The following WASF1 variants were observed in gnomAD, a reference collection of about 807,000 sequenced individuals.
WASF1 encodes actin-binding protein WASF1.
WASF1 carries 7 observed loss-of-function variants against 50.5 expected under a neutral mutation model. The ratio of observed to expected loss-of-function variants is 0.14; its 90% CI spans 0.08 to 0.26. The LOEUF (loss-of-function observed/expected upper bound fraction) is 0.26. Among genes scored for constraint, WASF1 ranks in the 10% least tolerant of loss-of-function variants. The pLI is 1.00. For missense variants in WASF1, 470 were observed against 694.7 expected, an observed-to-expected ratio of 0.68 and a Z score of 3.64; for synonymous variants, 205 against 244.0, an observed-to-expected ratio of 0.84 and a Z score of 1.49.
At chr6:110,105,660 C>CT in intron 7 of WASF1, 81 bp from the exon 8 acceptor site, 1 of 1,293,224 alleles carries the variant, frequency 7.7e-7, no homozygotes, top group Non-Finnish European at 1.1e-6. Context: ...AAATTAAACT[C>CT]TAACATCAAC....
rs992246689 is a variant in WASF1, at chr6:110,108,397, C to T, written c.422+131G>A. On this transcript the variant is annotated intron_variant, in intron 6 of 10. Coordinates refer to ENST00000392589, the MANE Select transcript of WASF1 (RefSeq NM_003931.3). ...CCAATGAATAAAAGCAAAGGTTTTC[C>T]AAAGGTGGTGGACAGAGAGGGCTCT... 6 of 854,630 alleles carry T rather than the reference C, an allele frequency of 7.0e-6. No individual in the cohort carries two copies. The African/African-American group carries it at 8.5e-5, about 12-fold the overall frequency. The allele number at this position is 854,630 out of a possible 1,614,324, so 52.9% of individuals were successfully genotyped here. A position where few individuals can be genotyped will look rare whatever the true frequency, so the allele number is the denominator to read the frequency against.
At chr6:110,158,315 T>A (rs529622924) in intron 3 of WASF1, among the ~76,000 whole-genome samples, 1 of 94,842 alleles carries the variant, frequency 1.1e-5, no homozygotes, top group Non-Finnish European at 2.0e-5. Flanking sequence ...ATGTATCCAT[T>A]TCTTCTAGAT....
intron 2 of WASF1, among the ~76,000 whole-genome samples, chr6:110,167,914 A>T (rs2114615570): frequency 6.6e-6 from 1 of 152,130 alleles, no homozygotes; most frequent in South Asian, 2.1e-4. Context: ...TATTCTAGTC[A>T]CTGATTACAT....
chr6:110,122,711 T>C (rs568857440), intron 4 of WASF1, among the ~76,000 whole-genome samples: 16 of 152,286 alleles, frequency 1.1e-4, no homozygotes, highest in African/African-American at 3.9e-4. Context: ...TACCTTATTG[T>C]AGGAATACAG....
chr6:110,133,186 T>A (rs1026657588), intron 3 of WASF1, among the ~76,000 whole-genome samples: 1 of 152,090 alleles, frequency 6.6e-6, no homozygotes, highest in African/African-American at 2.4e-5. Flanking sequence ...AATTATAAAT[T>A]TGTGCTGCTA....
intron 3 of WASF1, among the ~76,000 whole-genome samples, chr6:110,141,159 G>A (rs1775216116): frequency 6.6e-6 from 1 of 152,082 alleles, no homozygotes; most frequent in Admixed American, 6.6e-5. Flanking sequence ...TTTTGAATCT[G>A]GAAATGTCCT....
intron 9 of WASF1, among the ~76,000 whole-genome samples, chr6:110,102,776 A>G (rs1202627454): frequency 1.3e-5 from 2 of 151,538 alleles, no homozygotes; most frequent in Admixed American, 6.6e-5. Flanking sequence ...GCTGATCTCT[A>G]TATCTCTATT....
At chr6:110,104,786 C>T (rs1278517705) in intron 8 of WASF1, among the ~76,000 whole-genome samples, 1 of 152,170 alleles carries the variant, frequency 6.6e-6, no homozygotes, top group African/African-American at 2.4e-5. Context: ...AAGATTCTGT[C>T]TCAAAACAAA....
At position 110,160,730 on chromosome 6, in the gene WASF1, A is replaced by C. The variant is rs919164516; in HGVS notation, c.-124T>G. On this transcript the variant is annotated splice_region_variant and 5_prime_UTR_variant, in exon 3 of 11. Transcript: ENST00000392589. ...TTGTTTTAACATGCTGATTTCTCCA[A>C]CACTGTTTAAAATTGAGAACAAAAA... 3.3e-5 allele frequency: 5 copies of C among 151,714 alleles called. No individual in the cohort carries two copies. The highest frequency in any genetic ancestry group is 5.9e-5 in the Non-Finnish European group (4 of 67,768). The allele number at this position is 151,714 out of a possible 1,614,324, so 9.4% of individuals were successfully genotyped here. A position where few individuals can be genotyped will look rare whatever the true frequency, so the allele number is the denominator to read the frequency against.
chr6:110,149,242 A>G (rs1775715806), intron 3 of WASF1, among the ~76,000 whole-genome samples: 1 of 151,994 alleles, frequency 6.6e-6, no homozygotes, highest in African/African-American at 2.4e-5. Context: ...ATTATTCTGT[A>G]TGGCATATGC....
At chr6:110,161,477 G>C (rs554669464) in intron 2 of WASF1, among the ~76,000 whole-genome samples, 1 of 151,484 alleles carries the variant, frequency 6.6e-6, no homozygotes, top group Non-Finnish European at 1.5e-5. Flanking sequence ...CTCTTAGATA[G>C]CAGTGGACCA....
At chr6:110,142,295 T>C (rs1775280273) in intron 3 of WASF1, among the ~76,000 whole-genome samples, 1 of 151,706 alleles carries the variant, frequency 6.6e-6, no homozygotes, top group Non-Finnish European at 1.5e-5. Context: ...TGAAATATTA[T>C]CCAAATCGCA....
intron 3 of WASF1, among the ~76,000 whole-genome samples, chr6:110,141,399 A>C (rs1345020861): frequency 6.6e-6 from 1 of 152,086 alleles, no homozygotes; most frequent in Non-Finnish European, 1.5e-5. Context: ...CTCAGAGAGA[A>C]TATATAATTG....
At chr6:110,126,917 T>G (rs1226970454) in intron 4 of WASF1, among the ~76,000 whole-genome samples, 2 of 152,190 alleles carry the variant, frequency 1.3e-5, no homozygotes, top group Admixed American at 6.6e-5. Flanking sequence ...GAGGCCAAGT[T>G]CATTTGCTGT....
In WASF1 at chr6:110,100,478, G is replaced by A; in HGVS notation, c.*44C>T. 1 of 1,555,876 alleles carries A rather than the reference G, an allele frequency of 6.4e-7. No individual in the cohort carries two copies. Among genetic ancestry groups the A allele is most frequent in the Non-Finnish European group, 8.7e-7 (1 of 1,144,500 alleles). ...ATTTTCAAGGAACAAGCACCACAAA[G>A]GACATTTGCATTCAGTTTTGTAATA... is the stretch of plus-strand genomic sequence containing the variant. On this transcript the variant is annotated 3_prime_UTR_variant, in exon 11 of 11. Coordinates refer to ENST00000392589, the MANE Select transcript of WASF1 (RefSeq NM_003931.3).
chr6:110,108,056 G>A lies in WASF1; in HGVS notation c.422+472C>T, dbSNP rs923509962. Among the ~76,000 whole-genome samples, 5 of 147,584 alleles carry A rather than the reference G, an allele frequency of 3.4e-5. No homozygotes were observed. In the South Asian group the frequency reaches 6.5e-4, roughly 19 times the overall value. ...CAGGCGCCTGTAGTCCCAGCTACTC[G>A]GTAGGCTGAGGCAGGAAAATGACAT... On this transcript the variant is annotated intron_variant, in intron 6 of 10. Coordinates refer to ENST00000392589, the MANE Select transcript of WASF1 (RefSeq NM_003931.3).
chr6:110,101,495 A>G (rs1773082600), intron 10 of WASF1, 93 bp downstream of exon 10: 1 of 1,491,610 alleles, frequency 6.7e-7, no homozygotes, highest in Non-Finnish European at 8.9e-7. Flanking sequence ...ATCACCTAAA[A>G]TTTTATAGAT....
chr6:110,109,014 T>C (rs1357523106), intron 5 of WASF1, among the ~76,000 whole-genome samples: 1 of 152,176 alleles, frequency 6.6e-6, no homozygotes, highest in Non-Finnish European at 1.5e-5. Flanking sequence ...CCAACTTAGG[T>C]TCTCTTCTCC....
At chr6:110,153,822 T>G (rs899741474) in intron 3 of WASF1, among the ~76,000 whole-genome samples, 2 of 150,756 alleles carry the variant, frequency 1.3e-5, no homozygotes, top group Admixed American at 1.3e-4. Context: ...ATAGGAAAAC[T>G]TGGATTTGTG....
Sources: gnomAD v4.1 joint callset for allele counts (sites outside exome capture counted in the v4.1 genomes callset) on GRCh38, gnomAD v4.1.1 for gene constraint, MANE v1.5 for transcripts, NCBI Gene and HGNC (gene_info 2026-07-23, HGNC 2026-07-21) for gene names.